The following PIGN variants were observed in gnomAD, a reference collection of about 807,000 sequenced individuals.
PIGN encodes GPI ethanolamine phosphate transferase 1.
In PIGN, 117 loss-of-function variants were observed where a neutral mutation model predicts 125.4. That is an observed-to-expected ratio of 0.93 (90% confidence interval 0.80 to 1.09). The LOEUF (loss-of-function observed/expected upper bound fraction) is 1.09. Among genes scored for constraint, PIGN ranks in the 50% least tolerant of loss-of-function variants. The pLI is 0.00. For synonymous variants in PIGN, 392 were observed against 377.8 expected, an observed-to-expected ratio of 1.04 and a Z score of -0.44; for missense variants, 1,075 against 1,094.9, an observed-to-expected ratio of 0.98 and a Z score of 0.26.
chr18:62,101,993 CG>C (rs2146333350), intron 21 of PIGN, among the ~76,000 whole-genome samples: 1 of 151,888 alleles, frequency 6.6e-6, no homozygotes, highest in African/African-American at 2.4e-5. Flanking sequence ...TTTGGGAGGC[CG>C]GGGTGGGTGG....
At chr18:62,179,784 T>C (rs1287905583) in intron 1 of PIGN, among the ~76,000 whole-genome samples, 1 of 152,086 alleles carries the variant, frequency 6.6e-6, no homozygotes, top group African/African-American at 2.4e-5. Context: ...AAGCCATCTG[T>C]CATTCTACAA....
intron 27 of PIGN, among the ~76,000 whole-genome samples, chr18:62,083,613 GTCTT>G (rs1248014376): frequency 1.3e-5 from 2 of 151,950 alleles, no homozygotes; most frequent in African/African-American, 2.4e-5. Flanking sequence ...TTTGAGCTTT[GTCTT>G]TCTTTCTTGC....
At chr18:62,118,547 G>A (rs1386780917) in intron 14 of PIGN, 2 of 152,176 alleles carry the variant, frequency 1.3e-5, no homozygotes, top group Non-Finnish European at 2.9e-5. Flanking sequence ...AGAATTTGGG[G>A]ATATAGCTGC....
chr18:62,160,115 AAAAAAG>A (rs1360553735), intron 4 of PIGN, among the ~76,000 whole-genome samples: 19 of 152,226 alleles, frequency 1.2e-4, no homozygotes, highest in African/African-American at 2.4e-4. Flanking sequence ...TCCGTCTCAA[AAAAAAG>A]AAAAAGAAAA....
chr18:62,059,553 A>C (rs2031987368), intron 30 of PIGN, among the ~76,000 whole-genome samples: 1 of 152,240 alleles, frequency 6.6e-6, no homozygotes, highest in Admixed American at 6.5e-5. Context: ...AGATGAAAAA[A>C]ACTACATATT....
At chr18:62,179,301 T>C (rs1357733024) in intron 1 of PIGN, among the ~76,000 whole-genome samples, 2 of 152,182 alleles carry the variant, frequency 1.3e-5, no homozygotes, top group East Asian at 1.9e-4. Flanking sequence ...TTTCATACTA[T>C]AGTTTTTGGT....
At chr18:62,039,487 T>C (rs972774059), downstream of PIGN, among the ~76,000 whole-genome samples, 59 of 148,616 alleles carry the variant, frequency 4.0e-4, no homozygotes, top group African/African-American at 1.4e-3. Context: ...TAGGGCCCCA[T>C]CCAGGGTGCC....
In PIGN at chr18:62,146,248, C is replaced by T. The variant is rs145671283; in HGVS notation, c.806-223G>A. ...AACAGGCATAAAGTAAAACAAAAAA[C>T]CAGACTGCCTGCTGAGTAACTATGG... On this transcript the variant is annotated intron_variant, in intron 9 of 30. Coordinates refer to ENST00000640252, the MANE Select transcript of PIGN (RefSeq NM_176787.5). Among the ~76,000 whole-genome samples, 236 of 152,164 alleles carry T rather than the reference C, an allele frequency of 1.6e-3. 1 individual carries two copies. Among genetic ancestry groups the T allele is most frequent in the African/African-American group, 5.3e-3 (220 of 41,514 alleles).
intron 28 of PIGN, among the ~76,000 whole-genome samples, chr18:62,079,894 A>AT: frequency 6.6e-6 from 1 of 152,284 alleles, no homozygotes; most frequent in East Asian, 1.9e-4. Context: ...AATTAAGCTG[A>AT]TTTAATAGAG....
intron 30 of PIGN, chr18:62,053,037 A>G (rs957038510): frequency 9.1e-6 from 3 of 330,780 alleles, no homozygotes; most frequent in Middle Eastern, 1.6e-3. Flanking sequence ...AAATCTGGGT[A>G]AAGACAATAA....
intron 28 of PIGN, among the ~76,000 whole-genome samples, chr18:62,078,552 C>A (rs2033291379): frequency 6.6e-6 from 1 of 152,170 alleles, no homozygotes; most frequent in Admixed American, 6.5e-5. Context: ...GTCCCTGGTT[C>A]CCTCGTTTAT....
At chr18:62,086,354 C>T (rs966625577) in intron 25 of PIGN, among the ~76,000 whole-genome samples, 2 of 152,178 alleles carry the variant, frequency 1.3e-5, no homozygotes, top group Non-Finnish European at 2.9e-5. Context: ...TGTAGTGGCT[C>T]ATGCCTGTAA....
intron 14 of PIGN, among the ~76,000 whole-genome samples, chr18:62,124,707 T>C (rs1175844093): frequency 2.6e-5 from 4 of 152,328 alleles, no homozygotes; most frequent in Admixed American, 6.5e-5. Flanking sequence ...AGACATCATA[T>C]GCCTTAGGGC....
At position 62,088,831 on chromosome 18, in the gene PIGN, G is replaced by T. The variant is rs1169630904; in HGVS notation, c.2295C>A (p.Ile765=). The T allele has an allele frequency of 2.0e-6, 3 of 1,538,040 alleles. No homozygotes were observed. The highest frequency in any genetic ancestry group is 2.4e-5 in the East Asian group (1 of 41,826). ...TTATATCAGTATTATAAGAGAACTG[G>T]ATACTGGTGAGCTGTGAGATAATAA... The part of the protein sequence containing the change: ...GVCCKQKLTS[I]QFSYNTDITQ... Residue 765 remains isoleucine, a synonymous_variant, in exon 25 of 31, where the codon ATC becomes ATA. Coordinates refer to ENST00000640252, the MANE Select transcript of PIGN (RefSeq NM_176787.5).
Position 62,045,525 on chromosome 18 carries a change from T to C in PIGN, c.*331A>G, listed in dbSNP as rs956272556. The C allele has an allele frequency of 8.9e-5, 19 of 213,644 alleles. No homozygotes were observed. Among genetic ancestry groups the C allele is most frequent in the Admixed American group, 8.0e-4 (15 of 18,704 alleles). The allele number at this position is 213,644 out of a possible 1,614,324, so 13.2% of individuals were successfully genotyped here. A position where few individuals can be genotyped will look rare whatever the true frequency, so the allele number is the denominator to read the frequency against. On this transcript the variant is annotated 3_prime_UTR_variant, in exon 31 of 31. Transcript: ENST00000640252. ...ACAGGCATATGCTCTCCTCTGGGTA[T>C]GTGGGAAGTTGTGCGACTGGGGACC...
chr18:62,044,352 G>A lies in PIGN; in HGVS notation c.*1504C>T, dbSNP rs1177886349. ...ATACAGTCAGTTTTTTCTGATGTGT[G>A]AAAAAAACTGATAAAAAAATCCTTT... On this transcript the variant is annotated 3_prime_UTR_variant, in exon 31 of 31. Coordinates refer to ENST00000640252, the MANE Select transcript of PIGN (RefSeq NM_176787.5). 2.6e-5 allele frequency: 4 copies of A among 152,062 alleles called. No individual in the cohort carries two copies. The highest frequency in any genetic ancestry group is 4.4e-5 in the Non-Finnish European group (3 of 68,008). 9.4% of individuals were successfully genotyped at this position (152,062 alleles called of 1,614,324 possible).
chr18:62,040,438 T>C (rs1356421036), downstream of PIGN, among the ~76,000 whole-genome samples: 2 of 152,214 alleles, frequency 1.3e-5, no homozygotes, highest in Admixed American at 1.3e-4. Flanking sequence ...TGCCAAATGT[T>C]CCTATATTGA....
chr18:62,134,355 C>T (rs1337170161), intron 14 of PIGN, among the ~76,000 whole-genome samples: 1 of 152,202 alleles, frequency 6.6e-6, no homozygotes, highest in Admixed American at 6.5e-5. Context: ...TGCGCCACTG[C>T]ACTCCAGCCT....
chr18:62,182,792 A>G (rs775321915), intron 1 of PIGN, among the ~76,000 whole-genome samples: 1 of 152,106 alleles, frequency 6.6e-6, no homozygotes, highest in Non-Finnish European at 1.5e-5. Context: ...GTTTGCAACA[A>G]CACGGATGTT....
Sources: allele counts gnomAD v4.1 joint callset (sites outside exome capture counted in the v4.1 genomes callset), GRCh38; gene constraint gnomAD v4.1.1; transcripts MANE v1.5; gene names NCBI Gene and HGNC (gene_info 2026-07-23, HGNC 2026-07-21).